Variants in SLC45A4 observed in about 807,000 individuals in gnomAD.
The protein encoded by SLC45A4 is polyamine-transporter SLC45A4.
Under a neutral mutation model 63.7 loss-of-function variants are expected in SLC45A4, and 32 were observed. That is an observed-to-expected ratio of 0.50 (90% CI 0.38 to 0.67). The LOEUF is 0.67. Ranked by LOEUF, SLC45A4 falls within the 30% of genes least tolerant of loss-of-function variation. SLC45A4 has a pLI of 0.00. For missense variants in SLC45A4, 1,027 were observed against 1,157.7 expected, an observed-to-expected ratio of 0.89 and a Z score of 1.64; for synonymous variants, 535 against 510.0, an observed-to-expected ratio of 1.05 and a Z score of -0.66.
intron 6 of SLC45A4, among the ~76,000 whole-genome samples, chr8:141,216,628 C>T (rs1826171150): frequency 1.3e-5 from 2 of 152,244 alleles, no homozygotes; most frequent in African/African-American, 4.8e-5. Context: ...TCACACTCGG[C>T]TCAGAGACCC....
chr8:141,264,499 C>T (rs1829179235), intron 1 of SLC45A4, among the ~76,000 whole-genome samples: 1 of 152,134 alleles, frequency 6.6e-6, no homozygotes, highest in Non-Finnish European at 1.5e-5. Context: ...TCAGTGCTGT[C>T]CTAATAATTC....
At chr8:141,304,229 C>T (rs1478152791) in intron 1 of SLC45A4, among the ~76,000 whole-genome samples, 2 of 151,848 alleles carry the variant, frequency 1.3e-5, no homozygotes, top group Non-Finnish European at 2.9e-5. Context: ...GGGTTCAAGA[C>T]CTGCTTGGGC....
intron 7 of SLC45A4, among the ~76,000 whole-genome samples, chr8:141,213,593 C>A (rs1434045141): frequency 6.6e-6 from 1 of 152,200 alleles, no homozygotes; most frequent in Admixed American, 6.5e-5. Context: ...GGAAACTGAC[C>A]TTAAATGCAA....
At chr8:141,228,082 G>C in intron 2 of SLC45A4, 1 of 1,449,266 alleles carries the variant, frequency 6.9e-7, no homozygotes, top group South Asian at 1.2e-5. Flanking sequence ...GCTGTGTGGA[G>C]TGGAGCTGTT....
At chr8:141,238,106 C>CT (rs1827720270) in intron 2 of SLC45A4, among the ~76,000 whole-genome samples, 1 of 152,178 alleles carries the variant, frequency 6.6e-6, no homozygotes, top group South Asian at 2.1e-4. Flanking sequence ...TGGCCACGGG[C>CT]CACCTGTGCT....
chr8:141,214,245 C>CTG (rs749039203), intron 7 of SLC45A4, among the ~76,000 whole-genome samples: 4 of 151,862 alleles, frequency 2.6e-5, no homozygotes, highest in Non-Finnish European at 4.4e-5. Context: ...AAATACTCCC[C>CTG]TGTTGAGTTT....
At chr8:141,302,919 A>G (rs1456736257) in intron 1 of SLC45A4, among the ~76,000 whole-genome samples, 2 of 151,938 alleles carry the variant, frequency 1.3e-5, no homozygotes, top group East Asian at 3.8e-4. Context: ...CCCTAAAATG[A>G]TGACTACATT....
Position 141,219,605 on chromosome 8 carries a change from G to C in SLC45A4, c.610+45C>G. The C allele has an allele frequency of 3.8e-6, 6 of 1,565,114 alleles. 1 individual carries two copies. In the South Asian group the frequency reaches 7.2e-5, roughly 19 times the overall value. ...CTGTCCCCTCCCCACACCAGGCCCGGGCACGTTGGAACCCGGCCACCCAGC... is the reference window on the plus strand; with the variant it reads ...CTGTCCCCTCCCCACACCAGGCCCGCGCACGTTGGAACCCGGCCACCCAGC... On this transcript the variant is annotated intron_variant, in intron 4 of 8. Transcript: ENST00000517878.
At chr8:141,247,755 T>C (rs1416097257) in intron 2 of SLC45A4, among the ~76,000 whole-genome samples, 2 of 152,172 alleles carry the variant, frequency 1.3e-5, no homozygotes, top group African/African-American at 4.8e-5. Context: ...AATTTCGAGA[T>C]GCCCCATAAA....
At chr8:141,295,426 T>G (rs1217285085) in intron 1 of SLC45A4, among the ~76,000 whole-genome samples, 1 of 152,222 alleles carries the variant, frequency 6.6e-6, no homozygotes, top group Non-Finnish European at 1.5e-5. Flanking sequence ...ATCTCTCTCT[T>G]TTTAAAATGG....
At chr8:141,287,330 C>T (rs112181520) in intron 1 of SLC45A4, among the ~76,000 whole-genome samples, 2,119 of 152,334 alleles carry the variant, frequency 0.014, 26 homozygotes, top group Non-Finnish European at 0.023. Flanking sequence ...ACTACAGCAT[C>T]GTGACTCAGC....
At chr8:141,281,195 T>C (rs1325779211) in intron 1 of SLC45A4, among the ~76,000 whole-genome samples, 1 of 151,944 alleles carries the variant, frequency 6.6e-6, no homozygotes, top group African/African-American at 2.4e-5. Flanking sequence ...AAAAATTAGC[T>C]GGGTGTGGTG....
intron 2 of SLC45A4, chr8:141,228,401 C>A: frequency 6.8e-7 from 1 of 1,464,162 alleles, no homozygotes; most frequent in East Asian, 2.4e-5. Flanking sequence ...AAGCAGGACG[C>A]TGGCGCTCCA....
chr8:141,277,445 G>A (rs939550878), intron 1 of SLC45A4, among the ~76,000 whole-genome samples: 1 of 152,154 alleles, frequency 6.6e-6, no homozygotes, highest in African/African-American at 2.4e-5. Flanking sequence ...TGGACACAAT[G>A]GAGTCCTCAA....
Position 141,215,755 on chromosome 8 carries a change from G to A in SLC45A4, c.1941+4C>T, listed in dbSNP as rs199513452. ...CGCAGATCTCAGGGCTACGGTGGAC[G>A]CACCTGCTTGATGTCATGGTACTGG... On this transcript the variant is annotated splice_donor_region_variant and intron_variant, in intron 7 of 8. Coordinates refer to ENST00000517878, the MANE Select transcript of SLC45A4 (RefSeq NM_001286646.2). The surrounding 1 kb of genome is among the most constrained non-coding windows in gnomAD (Gnocchi z 4.3). 11 of 1,612,500 alleles carry A rather than the reference G, an allele frequency of 6.8e-6. No individual in the cohort carries two copies. Among genetic ancestry groups the A allele is most frequent in the African/African-American group, 4.0e-5 (3 of 75,032 alleles).
At chr8:141,281,689 T>C (rs901328832) in intron 1 of SLC45A4, among the ~76,000 whole-genome samples, 1 of 152,194 alleles carries the variant, frequency 6.6e-6, no homozygotes, top group African/African-American at 2.4e-5. Flanking sequence ...CACAGGACCA[T>C]CTAGCTGAAA....
chr8:141,275,351 A>G (rs1048904488), intron 1 of SLC45A4, among the ~76,000 whole-genome samples: 1 of 152,218 alleles, frequency 6.6e-6, no homozygotes, highest in East Asian at 1.9e-4. Context: ...TAAAAACTGG[A>G]GTCCTGGTTA....
chr8:141,226,948 A>C (rs1190792251), intron 2 of SLC45A4: 2 of 152,204 alleles, frequency 1.3e-5, no homozygotes, highest in African/African-American at 4.8e-5. Flanking sequence ...TCGTATCTTC[A>C]AAACGGCCCC....
intron 1 of SLC45A4, among the ~76,000 whole-genome samples, chr8:141,299,054 C>T (rs918652668): frequency 3.3e-5 from 5 of 152,152 alleles, no homozygotes; most frequent in African/African-American, 1.2e-4. Context: ...ATGCAGATGC[C>T]GCACTGTCTA....
Sources: gnomAD v4.1 joint callset for allele counts (sites outside exome capture counted in the v4.1 genomes callset) on GRCh38, gnomAD v4.1.1 for gene constraint, Gnocchi (gnomAD v3.1) non-coding constraint, MANE v1.5 for transcripts, NCBI Gene and HGNC (gene_info 2026-07-23, HGNC 2026-07-21) for gene names.